The following SARM1 variants were observed in gnomAD, a reference collection of about 807,000 sequenced individuals.
SARM1 encodes the protein NAD(+) hydrolase SARM1.
In SARM1, 60 loss-of-function variants were observed where a neutral mutation model predicts 65.1. The ratio of observed to expected loss-of-function variants is 0.92; its 90% CI spans 0.75 to 1.14. SARM1 has a LOEUF of 1.14. SARM1 is among the 50% of genes most tolerant of loss of function. The pLI is 0.00. For missense variants in SARM1, 913 were observed against 1,015.7 expected, an observed-to-expected ratio of 0.90 and a Z score of 1.37; for synonymous variants, 417 against 465.4, an observed-to-expected ratio of 0.90 and a Z score of 1.34.
chr17:28,380,459 C>T (rs1278400248), intron 1 of SARM1, among the ~76,000 whole-genome samples: 1 of 152,206 alleles, frequency 6.6e-6, no homozygotes, highest in African/African-American at 2.4e-5. Flanking sequence ...TTTGCTAGCG[C>T]CAAGGCCCTA....
intron 1 of SARM1, among the ~76,000 whole-genome samples, chr17:28,378,618 T>G (rs1339382081): frequency 1.3e-5 from 2 of 152,226 alleles, no homozygotes; most frequent in Admixed American, 6.5e-5. Context: ...TTTTATTGGT[T>G]TTTTTGTTTT....
chr17:28,384,883 G>A lies in SARM1; in HGVS notation c.1347G>A (p.Glu449=), dbSNP rs1555585746. Reference sequence around the variant, plus strand: ...ACCTGCTTCTGCGGCTCACGGAGGAGGAACTCCAGACCGACCTGGGCATGA... The same window carrying A: ...ACCTGCTTCTGCGGCTCACGGAGGAAGAACTCCAGACCGACCTGGGCATGA... ...DGDLLLRLTE[E]ELQTDLGMKS... Residue 449 remains glutamate, a synonymous_variant, in exon 4 of 9, where the codon GAG becomes GAA. Coordinates refer to ENST00000585482, the MANE Select transcript of SARM1 (RefSeq NM_015077.4). This position sits in a 1 kb window ranked among gnomAD's most constrained non-coding sequence, Gnocchi z 4.4. 7 of 1,560,138 alleles carry A rather than the reference G, an allele frequency of 4.5e-6. No homozygotes were observed. Among genetic ancestry groups the A allele is most frequent in the Non-Finnish European group, 6.1e-6 (7 of 1,152,144 alleles).
At position 28,371,794 on chromosome 17, in the gene SARM1, T is replaced by G; in HGVS notation, c.-239T>G. On this transcript the variant is annotated 5_prime_UTR_variant, in exon 1 of 9. Transcript: ENST00000585482. ...GGAGCCATCCCTCGCCTGCTCGCTC[T>G]CTCCTTTCGCCCACTCCCTGCATCT... 1 of 404,926 alleles carries G rather than the reference T, an allele frequency of 2.5e-6. No homozygotes were observed. The highest frequency in any genetic ancestry group is 6.3e-5 in the South Asian group (1 of 15,794). The allele number at this position is 404,926 out of a possible 1,614,324, so 25.1% of individuals were successfully genotyped here.
chr17:28,390,925 G>A (rs1341178319), intron 7 of SARM1, among the ~76,000 whole-genome samples: 3 of 152,158 alleles, frequency 2.0e-5, no homozygotes, highest in African/African-American at 4.8e-5. Context: ...CAGAAAAGTA[G>A]AATAATGTTC....
chr17:28,371,988 T>A lies in SARM1; in HGVS notation c.-45T>A. On this transcript the variant is annotated 5_prime_UTR_variant, in exon 1 of 9. Coordinates refer to ENST00000585482, the MANE Select transcript of SARM1 (RefSeq NM_015077.4). Reference sequence around the variant, plus strand: ...TTCCCAAAACCCGGGTCTCTCCGCGTGGCCCCGCCTCCAGGCCGGGGATGT... The same window carrying A: ...TTCCCAAAACCCGGGTCTCTCCGCGAGGCCCCGCCTCCAGGCCGGGGATGT... 7.2e-7 allele frequency: 1 copy of A among 1,382,992 alleles called. No individual in the cohort carries two copies. The highest frequency in any genetic ancestry group is 9.4e-7 in the Non-Finnish European group (1 of 1,062,624). 85.7% of individuals were successfully genotyped at this position (1,382,992 alleles called of 1,614,324 possible). A position where few individuals can be genotyped will look rare whatever the true frequency, so the allele number is the denominator to read the frequency against.
In SARM1 at chr17:28,400,847, A is replaced by G; in HGVS notation, c.*4561A>G. The G allele has an allele frequency of 7.6e-7, 1 of 1,313,370 alleles. No individual in the cohort carries two copies. The highest frequency in any genetic ancestry group is 1.1e-6 in the Non-Finnish European group (1 of 935,306). The allele number at this position is 1,313,370 out of a possible 1,614,324, so 81.4% of individuals were successfully genotyped here. A position where few individuals can be genotyped will look rare whatever the true frequency, so the allele number is the denominator to read the frequency against. On this transcript the variant is annotated 3_prime_UTR_variant, in exon 9 of 9. Coordinates refer to ENST00000585482, the MANE Select transcript of SARM1 (RefSeq NM_015077.4). ...GGCACCACCACCTCACAGCTGTGTG[A>G]CCGGGAGTAGTCACTTAACCTATGT...
chr17:28,377,126 A>G (rs886296264), intron 1 of SARM1, among the ~76,000 whole-genome samples: 1 of 152,182 alleles, frequency 6.6e-6, no homozygotes, highest in Non-Finnish European at 1.5e-5. Context: ...TGGCTCTTAC[A>G]TTCTAGGCAT....
intron 7 of SARM1, among the ~76,000 whole-genome samples, chr17:28,393,196 C>T (rs532972438): frequency 1.3e-4 from 20 of 152,212 alleles, no homozygotes; most frequent in African/African-American, 4.3e-4. Flanking sequence ...TGGAATGTTG[C>T]GCTTATTCCA....
intron 5 of SARM1, 83 bp from the exon 6 acceptor site, chr17:28,388,091 A>G: frequency 3.7e-6 from 4 of 1,091,088 alleles, no homozygotes; most frequent in Middle Eastern, 2.9e-4. Flanking sequence ...TGGACTGGGG[A>G]CTAAGTCCAC....
At position 28,384,445 on chromosome 17, in the gene SARM1, CGCT is replaced by C; in HGVS notation, c.1181_1183del (p.Leu394del). The C allele has an allele frequency of 6.2e-7, 1 of 1,613,356 alleles. No individual in the cohort carries two copies. Among genetic ancestry groups the C allele is most frequent in the African/African-American group, 1.3e-5 (1 of 75,064 alleles). On this transcript the variant is annotated inframe_deletion, in exon 3 of 9. Coordinates refer to ENST00000585482, the MANE Select transcript of SARM1 (RefSeq NM_015077.4). The surrounding 1 kb of genome is among the most constrained non-coding windows in gnomAD (Gnocchi z 4.4). ...ACTAAGTCGGCGCTGGCCAAGCGCG[CGCT>C]GCGCCTGCTGGGCGAGGAGGTGCCA...
intron 1 of SARM1, among the ~76,000 whole-genome samples, chr17:28,379,397 G>A (rs71372375): frequency 2.3e-5 from 3 of 128,346 alleles, no homozygotes; most frequent in East Asian, 2.7e-4. Context: ...TGCAAGCTCC[G>A]CCTCCTGGGT....
chr17:28,391,897 T>TC (rs58345376), intron 7 of SARM1, among the ~76,000 whole-genome samples: 21 of 148,860 alleles, frequency 1.4e-4, no homozygotes, highest in Admixed American at 2.0e-4. Flanking sequence ...TTTTTTTTTT[T>TC]CCAGTAGAGA....
chr17:28,382,998 A>G (rs1209842274), intron 2 of SARM1, among the ~76,000 whole-genome samples: 2 of 152,152 alleles, frequency 1.3e-5, no homozygotes, highest in Non-Finnish European at 2.9e-5. Context: ...CCTTGTCTGT[A>G]CCCCAGCTGT....
In SARM1 at chr17:28,381,539, C is replaced by T. The variant is rs781788541; in HGVS notation, c.807C>T (p.His269=). Residue 269 remains histidine (H), a synonymous_variant, in exon 2 of 9, where the codon CAC becomes CAT. Coordinates refer to ENST00000585482, the MANE Select transcript of SARM1 (RefSeq NM_015077.4). ...FSKEDELLRL[H]ACLAVAVLAT... ...AGGAGGACGAGCTGCTTCGGCTGCA[C>T]GCCTGCCTCGCAGTAGCGGTGTTGG... The T allele has an allele frequency of 3.2e-6, 5 of 1,580,326 alleles. No individual in the cohort carries two copies. Among genetic ancestry groups the T allele is most frequent in the Admixed American group, 1.8e-5 (1 of 55,112 alleles).
chr17:28,375,557 C>T (rs762900742), intron 1 of SARM1, among the ~76,000 whole-genome samples: 1 of 150,558 alleles, frequency 6.6e-6, no homozygotes, highest in Non-Finnish European at 1.5e-5. Context: ...GAGATCGTGC[C>T]GCTGCACTCC....
At chr17:28,378,598 CAG>C (rs1217046948) in intron 1 of SARM1, among the ~76,000 whole-genome samples, 4 of 152,082 alleles carry the variant, frequency 2.6e-5, no homozygotes, top group African/African-American at 4.8e-5. Context: ...TTTTCCCACT[CAG>C]TGTTGGGTTT....
rs2067956731 is a variant in SARM1 at position 28,371,939 on chromosome 17, C to G, written c.-94C>G. On this transcript the variant is annotated 5_prime_UTR_variant, in exon 1 of 9. Coordinates refer to ENST00000585482, the MANE Select transcript of SARM1 (RefSeq NM_015077.4). ...CATTCCTCCCCCTCCATCTTCTTTC[C>G]CCGACCCCTCTCGGGTCCCTCTTTT... is the stretch of plus-strand genomic sequence containing the variant. 3 of 934,162 alleles carry G rather than the reference C, an allele frequency of 3.2e-6. No individual in the cohort carries two copies. The African/African-American group carries it at 5.3e-5, about 16-fold the overall frequency. 57.9% of individuals were successfully genotyped at this position (934,162 alleles called of 1,614,324 possible).
rs1567815004 is a variant in SARM1, at chr17:28,399,547, T to A, written c.*3261T>A. On this transcript the variant is annotated 3_prime_UTR_variant, in exon 9 of 9. Transcript: ENST00000585482. ...ACCTCGTCCAAAGAGAGCACTGCCC[T>A]TAGACAAGAGTTGCTTGTCCTGCTG... 8.7e-7 allele frequency: 1 copy of A among 1,150,844 alleles called. No homozygotes were observed. The highest frequency in any genetic ancestry group is 1.9e-5 in the Admixed American group (1 of 51,892). The allele number at this position is 1,150,844 out of a possible 1,614,324, so 71.3% of individuals were successfully genotyped here.
chr17:28,396,259 G>C lies in SARM1; in HGVS notation c.2148G>C (p.Glu716Asp). Residue 716 changes from glutamate to aspartate, a missense_variant, in exon 9 of 9, where the codon GAG becomes GAC. Glu to Asp is a conservative substitution (Grantham distance 45). Coordinates refer to ENST00000585482, the MANE Select transcript of SARM1 (RefSeq NM_015077.4). The part of the protein sequence containing the change: ...DSSAGSDTSL[E>D]GAAPMGPT ...CTGCAGGCTCTGACACCAGTTTGGA[G>C]GGTGCTGCACCCATGGGTCCAACCT... 6.2e-7 allele frequency: 1 copy of C among 1,613,996 alleles called. No individual in the cohort carries two copies. The highest frequency in any genetic ancestry group is 1.7e-4 in the Middle Eastern group (1 of 6,054).
Sources: gnomAD v4.1 joint callset for allele counts (sites outside exome capture counted in the v4.1 genomes callset) on GRCh38, gnomAD v4.1.1 for gene constraint, Gnocchi (gnomAD v3.1) non-coding constraint, MANE v1.5 for transcripts, NCBI Gene and HGNC (gene_info 2026-07-23, HGNC 2026-07-21) for gene names.